KIF4A: variants seen among roughly 807,000 people sequenced by gnomAD.
The protein encoded by KIF4A is chromosome-associated kinesin KIF4A.
A neutral mutation model predicts 105.9 loss-of-function variants in KIF4A; 7 were observed. The ratio of observed to expected loss-of-function variants is 0.07; its 90% CI spans 0.04 to 0.12. The LOEUF is 0.12. KIF4A is among the 10% of genes least tolerant of loss of function. The probability of loss-of-function intolerance (pLI) is 1.00; values close to 1 mark genes in which losing one functional copy is unlikely to be tolerated. For missense variants in KIF4A, 558 were observed against 929.2 expected, an observed-to-expected ratio of 0.60 and a Z score of 5.19; for synonymous variants, 281 against 331.3, an observed-to-expected ratio of 0.85 and a Z score of 1.65.
chrX:70,373,557 C>CGTATATATATACATATATACGT (rs2086154357), intron 15 of KIF4A, among the ~76,000 whole-genome samples: 1 of 2,771 alleles, frequency 3.6e-4, no homozygotes, highest in African/African-American at 1.4e-3. Flanking sequence ...TATATATATA[C>CGTATATATATACATATATACGT]GTATATATAT....
At chrX:70,403,158 AC>A (rs1415498873) in intron 23 of KIF4A, among the ~76,000 whole-genome samples, 13 of 112,616 alleles carry the variant, frequency 1.2e-4, no homozygotes, top group Non-Finnish European at 2.2e-4. Context: ...ATGTCACCTT[AC>A]GTTGTCACAA....
chrX:70,385,648 A>T (rs1192082616), intron 18 of KIF4A, among the ~76,000 whole-genome samples: 4 of 111,692 alleles, frequency 3.6e-5, no homozygotes, highest in Non-Finnish European at 5.6e-5. Flanking sequence ...TATGCTGGCA[A>T]AGACATGACA....
chrX:70,379,334 G>A (rs1419710972), intron 18 of KIF4A, among the ~76,000 whole-genome samples: 3 of 111,317 alleles, frequency 2.7e-5, no homozygotes, highest in Non-Finnish European at 5.7e-5. Context: ...GTAGACAAAT[G>A]CCTGGAAAGA....
intron 28 of KIF4A, among the ~76,000 whole-genome samples, chrX:70,409,131 C>CT (rs1569253875): frequency 9.0e-6 from 1 of 111,420 alleles, no homozygotes; most frequent in Non-Finnish European, 1.9e-5. Flanking sequence ...TCCCAAAGTG[C>CT]TGGGATTACA....
chrX:70,316,205 A>G (rs1289829756), intron 7 of KIF4A, among the ~76,000 whole-genome samples: 1 of 112,316 alleles, frequency 8.9e-6, no homozygotes, highest in Non-Finnish European at 1.9e-5. Flanking sequence ...TCATTTTCCT[A>G]AATTCTCTAC....
In KIF4A at chrX:70,347,397, G is replaced by T. The variant is rs186297935; in HGVS notation, c.1431+3415G>T. Among the ~76,000 whole-genome samples, 479 of 112,428 alleles carry T rather than the reference G, an allele frequency of 4.3e-3. 3 individuals are homozygous for T. The highest frequency in any genetic ancestry group is 0.014 in the African/African-American group (430 of 30,970). On this transcript the variant is annotated intron_variant, in intron 13 of 30. Coordinates refer to ENST00000374403, the MANE Select transcript of KIF4A (RefSeq NM_012310.5). The stretch of plus-strand genomic sequence containing the variant: ...GATTATAGAGGCAGAATTCTGCCAT[G>T]TTCATGCAGAACATGTCACCATAGC...
At chrX:70,336,599 C>T (rs1421623848) in intron 10 of KIF4A, among the ~76,000 whole-genome samples, 2 of 111,117 alleles carry the variant, frequency 1.8e-5, no homozygotes, top group African/African-American at 3.3e-5. Context: ...TTGTATTTCT[C>T]GTATTATGGG....
Position 70,420,169 on chromosome X carries a change from A to G in KIF4A, c.3603A>G (p.Gln1201=), listed in dbSNP as rs2147746139. 3 of 1,211,329 alleles carry G rather than the reference A, an allele frequency of 2.5e-6. No individual in the cohort carries two copies. The East Asian group carries it at 8.9e-5, about 36-fold the overall frequency. ...PELKHVATEY[Q]ENKAPGKKKK... ...TGAAACATGTAGCAACAGAATACCA[A>G]GAAAACAAGGCTCCAGGGAAGAAAA... is the stretch of plus-strand genomic sequence containing the variant. The change falls in exon 31 of 31, where the codon CAA becomes CAG. Residue 1201 remains glutamine, a synonymous_variant. Transcript: ENST00000374403.
At chrX:70,359,453 CTCTTTCTTTCTT>C (rs1374518799) in intron 15 of KIF4A, among the ~76,000 whole-genome samples, 1 of 108,116 alleles carries the variant, frequency 9.2e-6, no homozygotes. Context: ...CTCTCTCTCT[CTCTTTCTTTCTT>C]TCTTTCTTTA....
chrX:70,335,201 T>C (rs1602753565), intron 10 of KIF4A, among the ~76,000 whole-genome samples: 1 of 112,311 alleles, frequency 8.9e-6, no homozygotes, highest in Middle Eastern at 4.6e-3. Flanking sequence ...CAACAGAATA[T>C]CATTCAGCCT....
intron 7 of KIF4A, among the ~76,000 whole-genome samples, chrX:70,322,707 T>G (rs1297797698): frequency 9.2e-5 from 2 of 21,796 alleles, no homozygotes; most frequent in Non-Finnish European, 1.4e-4. Flanking sequence ...TGTTCTATGC[T>G]CTTTTTTTTT....
intron 15 of KIF4A, among the ~76,000 whole-genome samples, chrX:70,357,429 G>T (rs2086056471): frequency 8.9e-6 from 1 of 112,094 alleles, no homozygotes; most frequent in African/African-American, 3.2e-5. Flanking sequence ...CTTCTGTCCT[G>T]GTTTGCTTTC....
intron 15 of KIF4A, 77 bp downstream of exon 15, chrX:70,353,884 T>C (rs1390490508): frequency 1.1e-5 from 9 of 843,386 alleles, no homozygotes; most frequent in Non-Finnish European, 1.3e-5. Flanking sequence ...AACAAGCATA[T>C]AATTTTTGAT....
At chrX:70,296,765 C>T (rs1010880325) in intron 3 of KIF4A, among the ~76,000 whole-genome samples, 11 of 112,290 alleles carry the variant, frequency 9.8e-5, no homozygotes, top group Admixed American at 2.8e-4. Context: ...GCTATCACTA[C>T]GGGGACACAT....
intron 27 of KIF4A, among the ~76,000 whole-genome samples, chrX:70,406,650 A>T (rs1196388532): frequency 9.0e-6 from 1 of 111,419 alleles, no homozygotes; most frequent in Non-Finnish European, 1.9e-5. Flanking sequence ...TCATCATATC[A>T]TGAGTTTCCC....
rs1840794964 is a variant in KIF4A, at chrX:70,330,456, G to A, written c.1071+124G>A. On this transcript the variant is annotated intron_variant, in intron 9 of 30. Coordinates refer to ENST00000374403, the MANE Select transcript of KIF4A (RefSeq NM_012310.5). ...TGTTGGTTAGGCATTATGTTTGTTC[G>A]GGGACCTCTTAAAATAACTCCTATT... 27 of 625,447 alleles carry A rather than the reference G, an allele frequency of 4.3e-5. No homozygotes were observed. In the South Asian group the frequency reaches 7.6e-4, roughly 18 times the overall value. The allele number at this position is 625,447 out of a possible 1,213,427, so 51.5% of individuals were successfully genotyped here. A position where few individuals can be genotyped will look rare whatever the true frequency, so the allele number is the denominator to read the frequency against.
intron 3 of KIF4A, 83 bp downstream of exon 3, chrX:70,290,888 A>C: frequency 3.3e-6 from 2 of 611,589 alleles, no homozygotes; most frequent in East Asian, 3.5e-5. Flanking sequence ...TGGGCACTGC[A>C]AATACAGGAA....
intron 28 of KIF4A, chrX:70,415,267 T>C (rs1438562213): frequency 8.7e-6 from 2 of 228,997 alleles, no homozygotes; most frequent in African/African-American, 6.1e-5. Flanking sequence ...TATACAAAGT[T>C]TAGAAACGTG....
At chrX:70,358,240 C>T (rs941813255) in intron 15 of KIF4A, among the ~76,000 whole-genome samples, 3 of 108,492 alleles carry the variant, frequency 2.8e-5, no homozygotes, top group African/African-American at 9.9e-5. Flanking sequence ...GCTTGGTGCT[C>T]GACTGGTCCT....
Sources: allele counts gnomAD v4.1 joint callset (sites outside exome capture counted in the v4.1 genomes callset), GRCh38; gene constraint gnomAD v4.1.1; transcripts MANE v1.5; gene names NCBI Gene and HGNC (gene_info 2026-07-23, HGNC 2026-07-21).